The following GTF2IRD1 variants were observed in gnomAD, a reference collection of about 807,000 sequenced individuals.
The protein encoded by GTF2IRD1 is GTF2I repeat domain containing 1.
GTF2IRD1 carries 26 observed loss-of-function variants against 113.2 expected under a neutral mutation model. That is an observed-to-expected ratio of 0.23 (90% confidence interval 0.17 to 0.32). The LOEUF (loss-of-function observed/expected upper bound fraction) is 0.32, where lower values mean the gene tolerates loss of function less well. GTF2IRD1 is among the 10% of genes least tolerant of loss of function. The pLI, the probability that GTF2IRD1 is intolerant of heterozygous loss-of-function variation, is 1.00. For missense variants in GTF2IRD1, 864 were observed against 1,280.8 expected (o/e 0.67, Z 4.97); for synonymous variants, 484 against 529.1 (o/e 0.91, Z 1.17).
chr7:74,533,647 T>C (rs1798106972), intron 9 of GTF2IRD1, among the ~76,000 whole-genome samples: 1 of 152,012 alleles, frequency 6.6e-6, no homozygotes, highest in Non-Finnish European at 1.5e-5. Flanking sequence ...AGCTCACTGC[T>C]CTCTCTCCTG....
intron 1 of GTF2IRD1, among the ~76,000 whole-genome samples, chr7:74,505,365 T>C (rs1164896708): frequency 4.6e-5 from 7 of 152,180 alleles, no homozygotes; most frequent in African/African-American, 1.4e-4. Context: ...TGAGGCCCTT[T>C]GCAGGGAGTG....
chr7:74,577,023 G>A (rs1332911690), intron 22 of GTF2IRD1, among the ~76,000 whole-genome samples: 2 of 151,710 alleles, frequency 1.3e-5, no homozygotes, highest in Non-Finnish European at 2.9e-5. Context: ...CCCGTGATGG[G>A]TTGGGCATTT....
intron 17 of GTF2IRD1, among the ~76,000 whole-genome samples, chr7:74,548,857 A>G (rs1409206524): frequency 1.3e-5 from 2 of 151,928 alleles, no homozygotes; most frequent in African/African-American, 2.4e-5. Context: ...CCAGTGAGCT[A>G]TGATTGCACC....
chr7:74,580,430 C>G (rs1339384402), intron 22 of GTF2IRD1, among the ~76,000 whole-genome samples: 1 of 152,206 alleles, frequency 6.6e-6, no homozygotes, highest in African/African-American at 2.4e-5. Flanking sequence ...AGTCCTCTAA[C>G]TAGGCGGGGA....
intron 22 of GTF2IRD1, among the ~76,000 whole-genome samples, chr7:74,589,291 G>A (rs1177396704): frequency 1.3e-5 from 2 of 152,022 alleles, no homozygotes; most frequent in African/African-American, 4.8e-5. Context: ...GGGAGTTGGA[G>A]GCTGCCGTGA....
intron 3 of GTF2IRD1, among the ~76,000 whole-genome samples, chr7:74,513,971 C>A (rs1554343771): frequency 1.3e-5 from 2 of 152,152 alleles, no homozygotes; most frequent in African/African-American, 4.8e-5. Context: ...TACGATGGCA[C>A]CCCTGCACTC....
At chr7:74,507,109 A>G (rs1203447643) in intron 1 of GTF2IRD1, 1 of 152,426 alleles carries the variant, frequency 6.6e-6, no homozygotes, top group African/African-American at 2.4e-5. Context: ...AGGGGAGGAC[A>G]TCACCGGCTC....
intron 13 of GTF2IRD1, 49 bp from the exon 14 acceptor site, chr7:74,539,830 G>T: frequency 7.7e-7 from 1 of 1,304,402 alleles, no homozygotes; most frequent in Non-Finnish European, 1.1e-6. Context: ...ACTGTGACAG[G>T]AGTATGACAG....
chr7:74,456,207 G>A (rs1554327178), intron 1 of GTF2IRD1, among the ~76,000 whole-genome samples: 1 of 152,098 alleles, frequency 6.6e-6, no homozygotes, highest in Non-Finnish European at 1.5e-5. Flanking sequence ...GACTCCAGAG[G>A]CCAGGCCATC....
intron 20 of GTF2IRD1, among the ~76,000 whole-genome samples, chr7:74,558,490 G>T (rs1163246119): frequency 1.3e-5 from 2 of 150,696 alleles, no homozygotes; most frequent in African/African-American, 2.4e-5. Context: ...CTCCCAAGTG[G>T]CTGGAACTAC....
intron 22 of GTF2IRD1, 37 bp downstream of exon 22, chr7:74,559,692 AG>A: frequency 6.4e-7 from 1 of 1,559,458 alleles, no homozygotes; most frequent in Non-Finnish European, 8.7e-7. Context: ...CACTGGGAAT[AG>A]GGCCCGATCG....
Position 74,509,252 on chromosome 7 carries a change from G to T in GTF2IRD1, c.123+1049G>T, listed in dbSNP as rs575779550. Among the ~76,000 whole-genome samples, 15 of 152,224 alleles carry T rather than the reference G, an allele frequency of 9.9e-5. No homozygotes were observed. The East Asian group carries it at 2.1e-3, about 22-fold the overall frequency. ...CATGCCTGTAATCCCAGCTACTCGGGAGGCTGAGGCAGGAGAATCACTTGA... is the reference window on the plus strand; with the variant it reads ...CATGCCTGTAATCCCAGCTACTCGGTAGGCTGAGGCAGGAGAATCACTTGA... On this transcript the variant is annotated intron_variant, in intron 2 of 26. Transcript: ENST00000424337.
chr7:74,580,423 C>T (rs1197420788), intron 22 of GTF2IRD1, among the ~76,000 whole-genome samples: 3 of 152,200 alleles, frequency 2.0e-5, no homozygotes, highest in Non-Finnish European at 2.9e-5. Flanking sequence ...GAGCTGAAGT[C>T]CTCTAACTAG....
intron 1 of GTF2IRD1, among the ~76,000 whole-genome samples, chr7:74,476,246 A>T (rs1794398515): frequency 6.6e-6 from 1 of 151,722 alleles, no homozygotes. Flanking sequence ...GAAGGGGCTG[A>T]TGGCAGCTAG....
At chr7:74,597,892 T>G (rs1196766682) in intron 25 of GTF2IRD1, among the ~76,000 whole-genome samples, 3 of 152,006 alleles carry the variant, frequency 2.0e-5, no homozygotes, top group Non-Finnish European at 4.4e-5. Flanking sequence ...ATTCAGCAAG[T>G]CCACGCCACA....
chr7:74,514,784 C>A (rs1554344107), intron 3 of GTF2IRD1, among the ~76,000 whole-genome samples: 1 of 151,862 alleles, frequency 6.6e-6, no homozygotes, highest in East Asian at 1.9e-4. Flanking sequence ...CGTGTCAGAG[C>A]ACAGAAAGGC....
chr7:74,461,854 C>T (rs749281581), intron 1 of GTF2IRD1, among the ~76,000 whole-genome samples: 1 of 152,196 alleles, frequency 6.6e-6, no homozygotes, highest in Non-Finnish European at 1.5e-5. Context: ...GCTGGGATTA[C>T]AGGCGTGAGC....
At chr7:74,494,776 G>T (rs182868466) in intron 1 of GTF2IRD1, among the ~76,000 whole-genome samples, 13 of 151,522 alleles carry the variant, frequency 8.6e-5, no homozygotes, top group Non-Finnish European at 1.8e-4. Context: ...TTAGAGACAG[G>T]GTTCTCACTC....
chr7:74,547,667 A>G (rs6949076), intron 17 of GTF2IRD1, among the ~76,000 whole-genome samples: 11,274 of 151,006 alleles, frequency 0.075, 812 homozygotes, highest in East Asian at 0.42. Flanking sequence ...TTGAACTACC[A>G]ACCTCAAGTG....
Sources: gnomAD v4.1 joint callset for allele counts (sites outside exome capture counted in the v4.1 genomes callset) on GRCh38, gnomAD v4.1.1 for gene constraint, MANE v1.5 for transcripts, NCBI Gene and HGNC (gene_info 2026-07-23, HGNC 2026-07-21) for gene names.